The following CNTN5 variants were observed in gnomAD, a reference collection of about 807,000 sequenced individuals.
The protein encoded by CNTN5 is contactin 5.
A neutral mutation model predicts 129.1 loss-of-function variants in CNTN5; 77 were observed. The observed-to-expected ratio is 0.60, with a 90% CI of 0.50 to 0.72. The LOEUF is 0.72. Among genes scored for constraint, CNTN5 ranks in the 30% least tolerant of loss-of-function variants. The pLI is 0.00. For missense variants in CNTN5, 1,478 were observed against 1,328.8 expected (o/e 1.11, Z -1.75); for synonymous variants, 509 against 465.6 (o/e 1.09, Z -1.20).
chr11:99,145,860 A>G (rs550094778), intron 1 of CNTN5, among the ~76,000 whole-genome samples: 3 of 152,298 alleles, frequency 2.0e-5, no homozygotes, highest in African/African-American at 7.2e-5. Flanking sequence ...ACAGTAATGT[A>G]TTATGTAGCT....
chr11:99,992,598 A>T (rs1191569073), intron 8 of CNTN5, among the ~76,000 whole-genome samples: 2 of 152,240 alleles, frequency 1.3e-5, no homozygotes, highest in Non-Finnish European at 2.9e-5. Context: ...AAAAATATTC[A>T]TCATCAGGCT....
chr11:99,104,239 A>T (rs1866889254), intron 1 of CNTN5, among the ~76,000 whole-genome samples: 1 of 152,152 alleles, frequency 6.6e-6, no homozygotes, highest in Admixed American at 6.6e-5. Flanking sequence ...GTTCATGAAG[A>T]GCTCACTCAC....
At chr11:99,851,759 C>T (rs575288782) in intron 6 of CNTN5, among the ~76,000 whole-genome samples, 2 of 152,232 alleles carry the variant, frequency 1.3e-5, no homozygotes, top group African/African-American at 4.8e-5. Flanking sequence ...TTAAAATAAC[C>T]TACTTAACTC....
chr11:99,825,772 A>G (rs1423033399), intron 4 of CNTN5, among the ~76,000 whole-genome samples: 1 of 152,068 alleles, frequency 6.6e-6, no homozygotes, highest in African/African-American at 2.4e-5. Flanking sequence ...TCCTTTGTTA[A>G]TAGACTTCCC....
chr11:100,047,946 A>G (rs2137720428), intron 9 of CNTN5, among the ~76,000 whole-genome samples: 1 of 152,264 alleles, frequency 6.6e-6, no homozygotes, highest in African/African-American at 2.4e-5. Flanking sequence ...CCTGGCTAAC[A>G]CGATGAAACT....
intron 4 of CNTN5, among the ~76,000 whole-genome samples, chr11:99,842,186 C>T (rs1229081199): frequency 6.6e-6 from 1 of 152,114 alleles, no homozygotes; most frequent in Non-Finnish European, 1.5e-5. Flanking sequence ...TAAGCCACCA[C>T]ACCCGGGTAT....
At chr11:99,679,180 ATATTT>A (rs1013838593) in intron 3 of CNTN5, among the ~76,000 whole-genome samples, 2 of 138,998 alleles carry the variant, frequency 1.4e-5, no homozygotes, top group African/African-American at 5.4e-5. Context: ...ATATATATAA[ATATTT>A]TATATATAGG....
At chr11:99,608,430 C>G (rs1166613838) in intron 3 of CNTN5, among the ~76,000 whole-genome samples, 1 of 152,092 alleles carries the variant, frequency 6.6e-6, no homozygotes, top group East Asian at 1.9e-4. Flanking sequence ...CTTCTAACCT[C>G]CCTGGTCAGA....
intron 13 of CNTN5, among the ~76,000 whole-genome samples, chr11:100,096,461 G>A (rs1257858139): frequency 6.6e-6 from 1 of 151,992 alleles, no homozygotes; most frequent in Non-Finnish European, 1.5e-5. Context: ...CTTGGCTAGT[G>A]TGTAAACAAC....
chr11:99,851,384 C>A (rs1947868754), intron 6 of CNTN5, among the ~76,000 whole-genome samples: 2 of 152,100 alleles, frequency 1.3e-5, no homozygotes, highest in African/African-American at 2.4e-5. Flanking sequence ...ATATTTTATT[C>A]CTGAAGCTTA....
At chr11:99,261,890 C>A (rs75688134) in intron 1 of CNTN5, among the ~76,000 whole-genome samples, 12,790 of 151,996 alleles carry the variant, frequency 0.084, 564 homozygotes, top group South Asian at 0.12. Context: ...GTAGAGCCTT[C>A]CTAAGCCAAA....
intron 3 of CNTN5, among the ~76,000 whole-genome samples, chr11:99,584,009 G>C (rs1166939030): frequency 6.6e-6 from 1 of 152,092 alleles, no homozygotes; most frequent in African/African-American, 2.4e-5. Context: ...ATTATTGACT[G>C]TAAGTAACAG....
intron 1 of CNTN5, among the ~76,000 whole-genome samples, chr11:99,160,911 A>T (rs1860577142): frequency 6.6e-6 from 1 of 152,204 alleles, no homozygotes; most frequent in African/African-American, 2.4e-5. Flanking sequence ...GATTGAATAG[A>T]TCACGTAATT....
chr11:99,634,424 G>C (rs1951474484), intron 3 of CNTN5, among the ~76,000 whole-genome samples: 1 of 152,122 alleles, frequency 6.6e-6, no homozygotes, highest in Non-Finnish European at 1.5e-5. Context: ...ATTATTGCTG[G>C]CAAAATTTCG....
intron 2 of CNTN5, among the ~76,000 whole-genome samples, chr11:99,452,370 GTGT>G (rs1944335671): frequency 1.3e-5 from 1 of 79,304 alleles, no homozygotes; most frequent in Non-Finnish European, 2.7e-5. Context: ...CTAAACACAG[GTGT>G]TTTTTTTTTT....
intron 23 of CNTN5, among the ~76,000 whole-genome samples, chr11:100,343,173 G>A (rs1952204335): frequency 1.3e-5 from 2 of 152,222 alleles, no homozygotes; most frequent in Non-Finnish European, 2.9e-5. Flanking sequence ...CACAAGTCAT[G>A]TTGGAATACC....
chr11:100,046,498 G>T (rs977499240), intron 9 of CNTN5, among the ~76,000 whole-genome samples: 3 of 152,054 alleles, frequency 2.0e-5, no homozygotes, highest in Non-Finnish European at 4.4e-5. Flanking sequence ...ACATTGCTAA[G>T]ATTGCATTAT....
chr11:100,319,144 TTTTC>T (rs1457866901), intron 21 of CNTN5, among the ~76,000 whole-genome samples: 2 of 149,616 alleles, frequency 1.3e-5, no homozygotes, highest in Admixed American at 1.3e-4. Context: ...TCTGTTTTCT[TTTTC>T]TTTTCTTTTT....
Position 99,954,065 on chromosome 11 carries a change from C to T in CNTN5, c.674-2741C>T, listed in dbSNP as rs187132471. Among the ~76,000 whole-genome samples, 55 of 152,112 alleles carry T rather than the reference C, an allele frequency of 3.6e-4. 1 individual carries two copies. Among genetic ancestry groups the T allele is most frequent in the Middle Eastern group, 6.8e-3 (2 of 294 alleles). On this transcript the variant is annotated intron_variant, in intron 7 of 24. Coordinates refer to ENST00000524871, the MANE Select transcript of CNTN5 (RefSeq NM_014361.4). ...GTTCAGCTTTCTGCATTTGGCTAGC[C>T]GGTTTTCCCAACACCATTTTGTATA...
Sources: gnomAD v4.1 joint callset for allele counts (sites outside exome capture counted in the v4.1 genomes callset) on GRCh38, gnomAD v4.1.1 for gene constraint, MANE v1.5 for transcripts, NCBI Gene and HGNC (gene_info 2026-07-23, HGNC 2026-07-21) for gene names.